MAF: variants seen among roughly 807,000 people sequenced by gnomAD.
MAF encodes the protein transcription factor Maf.
A neutral mutation model predicts 22.0 loss-of-function variants in MAF; 10 were observed. That is an observed-to-expected ratio of 0.45 (90% CI 0.28 to 0.77). The LOEUF (loss-of-function observed/expected upper bound fraction) is 0.77, where lower values mean the gene tolerates loss of function less well. MAF is among the 30% of genes least tolerant of loss of function. The pLI is 0.12. For synonymous variants in MAF, 337 were observed against 255.8 expected (o/e 1.32, Z -3.03); for missense variants, 544 against 548.4 (o/e 0.99, Z 0.08).
At chr16:79,392,579 G>A in the MAF span, among the ~76,000 whole-genome samples, 1 of 151,806 alleles carries the variant, frequency 6.6e-6, no homozygotes, top group Admixed American at 6.6e-5. Context: ...AATAGGCCAC[G>A]GCTTTCCTAT....
chr16:79,451,357 C>G, the MAF span, among the ~76,000 whole-genome samples: 12 of 152,190 alleles, frequency 7.9e-5, no homozygotes, highest in Non-Finnish European at 1.3e-4. Flanking sequence ...AAAAGGGTGA[C>G]AGCAGAGGGC....
At chr16:79,580,925 C>T (rs931696389), downstream of MAF, among the ~76,000 whole-genome samples, 1 of 152,036 alleles carries the variant, frequency 6.6e-6, no homozygotes, top group African/African-American at 2.4e-5. Context: ...GTATGTGCTA[C>T]CCACTGGAGC....
the MAF span, among the ~76,000 whole-genome samples, chr16:79,224,475 C>T: frequency 3.3e-5 from 5 of 151,970 alleles, no homozygotes; most frequent in African/African-American, 9.7e-5. Context: ...TCTCTCACTG[C>T]TCCTATTCCA....
the MAF span, among the ~76,000 whole-genome samples, chr16:79,387,984 T>C: frequency 6.6e-6 from 1 of 152,160 alleles, no homozygotes; most frequent in African/African-American, 2.4e-5. Flanking sequence ...TCCTTGTGAA[T>C]GGGCAAAAAC....
At chr16:79,396,652 T>G in the MAF span, among the ~76,000 whole-genome samples, 1 of 152,182 alleles carries the variant, frequency 6.6e-6, no homozygotes, top group East Asian at 1.9e-4. Flanking sequence ...ACTTCCTTCA[T>G]AAGGGGCAGA....
chr16:79,345,842 T>C, the MAF span, among the ~76,000 whole-genome samples: 1 of 151,864 alleles, frequency 6.6e-6, no homozygotes, highest in Non-Finnish European at 1.5e-5. Context: ...TTGCTGGAGA[T>C]TTAGGTTGCT....
the MAF span, among the ~76,000 whole-genome samples, chr16:79,558,392 C>T: frequency 2.6e-5 from 4 of 152,152 alleles, no homozygotes; most frequent in East Asian, 3.8e-4. Context: ...GGCTTAAAGT[C>T]GCATATCCTT....
At chr16:79,568,046 T>G in the MAF span, among the ~76,000 whole-genome samples, 1 of 152,204 alleles carries the variant, frequency 6.6e-6, no homozygotes, top group Non-Finnish European at 1.5e-5. Context: ...TTTAATTCAT[T>G]AATCACCTCG....
At chr16:79,562,953 G>C in the MAF span, among the ~76,000 whole-genome samples, 1 of 152,178 alleles carries the variant, frequency 6.6e-6, no homozygotes. Context: ...AATCCTTCAG[G>C]CCTCAATTTC....
the MAF span, chr16:79,204,479 G>A: frequency 6.6e-6 from 1 of 152,234 alleles, no homozygotes; most frequent in East Asian, 1.9e-4. Flanking sequence ...GTCTCAGAAA[G>A]ATAAAATAAT....
At chr16:79,211,925 C>T in the MAF span, 23 of 1,539,674 alleles carry the variant, frequency 1.5e-5, no homozygotes, top group East Asian at 7.3e-5. Flanking sequence ...TAAGAGCAGT[C>T]ACAACAGAGT....
At chr16:79,392,288 GGA>G in the MAF span, among the ~76,000 whole-genome samples, 50 of 148,484 alleles carry the variant, frequency 3.4e-4, no homozygotes, top group South Asian at 8.8e-4. Flanking sequence ...AAGGAAGTGG[GGA>G]GAGAGAGAGT....
At chr16:79,585,786 T>G (rs1423958123), downstream of MAF, 1 of 587,938 alleles carries the variant, frequency 1.7e-6, no homozygotes, top group Non-Finnish European at 3.0e-6. Context: ...GCATTCCTTG[T>G]TTGCTTCCTT....
the MAF span, among the ~76,000 whole-genome samples, chr16:79,364,861 T>C: frequency 2.0e-5 from 3 of 152,240 alleles, no homozygotes; most frequent in African/African-American, 7.2e-5. Flanking sequence ...TAAATACACT[T>C]GCTAAAAGAT....
chr16:79,339,260 A>G, the MAF span, among the ~76,000 whole-genome samples: 2 of 151,982 alleles, frequency 1.3e-5, no homozygotes, highest in African/African-American at 4.8e-5. Context: ...TTTGGTAGAC[A>G]TGGGGTTTCA....
the MAF span, chr16:79,212,402 C>CATAG: frequency 7.0e-6 from 3 of 430,054 alleles, no homozygotes; most frequent in African/African-American, 5.8e-5. Flanking sequence ...AAGTACTTGT[C>CATAG]ATAGACTCCT....
At chr16:79,236,398 G>C in the MAF span, among the ~76,000 whole-genome samples, 1 of 151,982 alleles carries the variant, frequency 6.6e-6, no homozygotes, top group Non-Finnish European at 1.5e-5. Flanking sequence ...CCTGGGGGAA[G>C]TTTTCCAGTT....
chr16:79,480,871 G>T, the MAF span, among the ~76,000 whole-genome samples: 1 of 152,186 alleles, frequency 6.6e-6, no homozygotes, highest in Non-Finnish European at 1.5e-5. Flanking sequence ...AGGACCGTGG[G>T]ACTGGGCAGT....
chr16:79,367,237 C>G, the MAF span, among the ~76,000 whole-genome samples: 1 of 152,210 alleles, frequency 6.6e-6, no homozygotes, highest in Non-Finnish European at 1.5e-5. Context: ...ACACCCACTT[C>G]TTTGAGGAAG....
Sources: gnomAD v4.1 joint callset for allele counts (sites outside exome capture counted in the v4.1 genomes callset) on GRCh38, gnomAD v4.1.1 for gene constraint, MANE v1.5 for transcripts, NCBI Gene and HGNC (gene_info 2026-07-23, HGNC 2026-07-21) for gene names.